The following TRMT11 variants were observed in gnomAD, a reference collection of about 807,000 sequenced individuals.
TRMT11 encodes tRNA methyltransferase 11, also known as tRNA (guanine(10)-N(2))-methyltransferase TRMT11.
TRMT11 carries 53 observed loss-of-function variants against 62.8 expected under a neutral mutation model. The observed-to-expected ratio is 0.84, with a 90% CI of 0.68 to 1.06. The LOEUF is 1.06. Among genes scored for constraint, TRMT11 ranks in the 50% least tolerant of loss-of-function variants. TRMT11 has a pLI of 0.00. For missense variants in TRMT11, 556 were observed against 553.4 expected (o/e 1.00, Z -0.05); for synonymous variants, 188 against 190.3 (o/e 0.99, Z 0.10).
chr6:126,142,592 G>A (rs1777928684), intron 21 of TRMT11, among the ~76,000 whole-genome samples: 1 of 151,988 alleles, frequency 6.6e-6, no homozygotes, highest in Non-Finnish European at 1.5e-5. Context: ...ATTTGATGAA[G>A]GCACTCACAA....
chr6:126,269,096 T>C, the TRMT11 span, among the ~76,000 whole-genome samples: 1 of 150,550 alleles, frequency 6.6e-6, no homozygotes, highest in African/African-American at 2.4e-5. Flanking sequence ...ACCCCGTCTC[T>C]ACTAAAAATA....
chr6:126,110,023 G>A (rs1175755619), intron 17 of TRMT11, among the ~76,000 whole-genome samples: 4 of 152,198 alleles, frequency 2.6e-5, no homozygotes, highest in Non-Finnish European at 4.4e-5. Flanking sequence ...CTGAGAGACT[G>A]AGGAAGAGAA....
chr6:126,258,029 C>A, the TRMT11 span: 1 of 1,430,470 alleles, frequency 7.0e-7, no homozygotes, highest in Non-Finnish European at 9.9e-7. Context: ...GCTCCTCGAC[C>A]CTGGCAGCCT....
downstream of TRMT11, among the ~76,000 whole-genome samples, chr6:126,204,834 G>C (rs1309157472): frequency 6.6e-6 from 1 of 152,156 alleles, no homozygotes; most frequent in African/African-American, 2.4e-5. Context: ...GTTGAGCCAG[G>C]GATTAGTCAG....
At chr6:126,250,955 G>A in the TRMT11 span, among the ~76,000 whole-genome samples, 2 of 151,264 alleles carry the variant, frequency 1.3e-5, no homozygotes, top group Non-Finnish European at 2.9e-5. Flanking sequence ...ATTTCCTTTG[G>A]TGAATTCAAG....
At chr6:126,000,607 A>T (rs949363056) in intron 7 of TRMT11, among the ~76,000 whole-genome samples, 1 of 152,128 alleles carries the variant, frequency 6.6e-6, no homozygotes, top group Non-Finnish European at 1.5e-5. Flanking sequence ...CATGCCCTTA[A>T]CTTTGAGCTG....
At chr6:126,205,974 A>G (rs1236355810), downstream of TRMT11, among the ~76,000 whole-genome samples, 1 of 151,994 alleles carries the variant, frequency 6.6e-6, no homozygotes, top group Non-Finnish European at 1.5e-5. Context: ...TAGCTTTTCT[A>G]TATTCCCCTA....
intron 12 of TRMT11, among the ~76,000 whole-genome samples, chr6:126,034,264 CTG>C (rs1774754475): frequency 6.6e-6 from 1 of 152,124 alleles, no homozygotes; most frequent in African/African-American, 2.4e-5. Flanking sequence ...GTGTCCCTAT[CTG>C]TAAAATTTAG....
At chr6:126,120,106 A>C (rs530934337) in intron 21 of TRMT11, among the ~76,000 whole-genome samples, 1 of 151,930 alleles carries the variant, frequency 6.6e-6, no homozygotes, top group South Asian at 2.1e-4. Flanking sequence ...AAATTTCATC[A>C]CTACTAAAAA....
chr6:126,091,243 A>T (rs1236526205), intron 17 of TRMT11, among the ~76,000 whole-genome samples: 3 of 151,982 alleles, frequency 2.0e-5, no homozygotes, highest in Non-Finnish European at 4.4e-5. Flanking sequence ...CTGCCTTCTT[A>T]CATATTTTAA....
chr6:126,266,430 G>A, the TRMT11 span, among the ~76,000 whole-genome samples: 1 of 152,104 alleles, frequency 6.6e-6, no homozygotes, highest in Non-Finnish European at 1.5e-5. Flanking sequence ...TGAAGCTACT[G>A]GCAGCTTTTT....
At chr6:126,089,005 G>A (rs1777244203) in intron 17 of TRMT11, among the ~76,000 whole-genome samples, 1 of 151,882 alleles carries the variant, frequency 6.6e-6, no homozygotes. Context: ...GCTAGTTTTG[G>A]TTGTATTTAT....
chr6:126,083,516 G>T (rs1777181907), intron 17 of TRMT11, among the ~76,000 whole-genome samples: 1 of 151,970 alleles, frequency 6.6e-6, no homozygotes, highest in Non-Finnish European at 1.5e-5. Context: ...CATATGTAAG[G>T]TATACAACAT....
chr6:126,122,014 T>C (rs1450944430), intron 21 of TRMT11, among the ~76,000 whole-genome samples: 1 of 152,104 alleles, frequency 6.6e-6, no homozygotes, highest in Non-Finnish European at 1.5e-5. Context: ...TGGGAGATAA[T>C]TGAATCATGG....
chr6:126,165,497 C>T (rs1354636253), intron 21 of TRMT11, among the ~76,000 whole-genome samples: 2 of 152,136 alleles, frequency 1.3e-5, no homozygotes, highest in Non-Finnish European at 2.9e-5. Context: ...AATCCCTCAG[C>T]ATTTGCTTGT....
the TRMT11 span, among the ~76,000 whole-genome samples, chr6:126,239,155 C>T: frequency 2.6e-5 from 4 of 151,636 alleles, no homozygotes; most frequent in African/African-American, 9.6e-5. Flanking sequence ...TGGGTCTTGA[C>T]TATCCAATTT....
intron 17 of TRMT11, among the ~76,000 whole-genome samples, chr6:126,075,250 C>A (rs1372346062): frequency 2.0e-5 from 3 of 152,076 alleles, no homozygotes; most frequent in Admixed American, 2.0e-4. Context: ...TATGTGAGAT[C>A]CATAAATAAG....
chr6:126,063,651 C>T (rs1330757321), intron 17 of TRMT11, among the ~76,000 whole-genome samples: 1 of 152,214 alleles, frequency 6.6e-6, no homozygotes, highest in Non-Finnish European at 1.5e-5. Flanking sequence ...GCCTGAGATT[C>T]TCTGTTTCCA....
Position 126,102,282 on chromosome 6 carries a change from T to C in TRMT11, c.*1438-10584T>C, listed in dbSNP as rs543729044. ...TAAATAAAGTTTGAACTAACTATAT[T>C]AACTGGGCCAGAAAAATTCGCCTGA... On this transcript the variant is annotated intron_variant and NMD_transcript_variant, in intron 17 of 22. Transcript: ENST00000648977. 1.1e-4 allele frequency among the ~76,000 whole-genome samples: 16 copies of C among 152,270 alleles called. No homozygotes were observed. In the South Asian group the frequency reaches 3.1e-3, roughly 30 times the overall value.
Sources: allele counts gnomAD v4.1 joint callset (sites outside exome capture counted in the v4.1 genomes callset), GRCh38; gene constraint gnomAD v4.1.1; transcripts MANE v1.5; gene names NCBI Gene and HGNC (gene_info 2026-07-23, HGNC 2026-07-21).